Variants in GRIP1 observed in about 807,000 individuals in gnomAD.
GRIP1 encodes the protein glutamate receptor interacting protein 1.
In GRIP1, 45 loss-of-function variants were observed where a neutral mutation model predicts 129.9. That is an observed-to-expected ratio of 0.35 (90% CI 0.27 to 0.44). The LOEUF (loss-of-function observed/expected upper bound fraction) is 0.44, where lower values mean the gene tolerates loss of function less well. Ranked by LOEUF, GRIP1 falls within the 20% of genes least tolerant of loss-of-function variation. The pLI is 1.00. For missense variants in GRIP1, 1,196 were observed against 1,396.8 expected, an observed-to-expected ratio of 0.86 and a Z score of 2.29; for synonymous variants, 530 against 520.8, an observed-to-expected ratio of 1.02 and a Z score of -0.24.
At chr12:66,769,691 A>G (rs372054797) in intron 1 of GRIP1, among the ~76,000 whole-genome samples, 95 of 149,432 alleles carry the variant, frequency 6.4e-4, no homozygotes, top group African/African-American at 2.0e-3. Flanking sequence ...TATAGGAGGG[A>G]AAAAAAAAAT....
intron 1 of GRIP1, among the ~76,000 whole-genome samples, chr12:66,898,982 C>T (rs1016192910): frequency 2.6e-5 from 4 of 152,118 alleles, no homozygotes; most frequent in African/African-American, 9.7e-5. Flanking sequence ...CATGTGACAG[C>T]ATCAGTATCT....
rs371614533 is a variant in GRIP1, at chr12:66,613,048, G to A, written c.56-16121C>T. On this transcript the variant is annotated intron_variant, in intron 1 of 24. Coordinates refer to ENST00000359742, the MANE Select transcript of GRIP1 (RefSeq NM_001366722.1). ...CAGGGCTAAAAATGGCTCCTTAAAA[G>A]CATAGTTAAATAATCCCCTAAATAC... 4.6e-5 allele frequency among the ~76,000 whole-genome samples: 7 copies of A among 152,132 alleles called. No homozygotes were observed. In the East Asian group the frequency reaches 9.6e-4, roughly 21 times the overall value.
intron 1 of GRIP1, among the ~76,000 whole-genome samples, chr12:66,963,793 C>T (rs547461585): frequency 6.6e-6 from 1 of 152,224 alleles, no homozygotes; most frequent in Admixed American, 6.5e-5. Context: ...CTCTCAGTCA[C>T]CACCAAGTAG....
intron 1 of GRIP1, among the ~76,000 whole-genome samples, chr12:67,067,887 G>A (rs1017853603): frequency 3.3e-5 from 5 of 152,092 alleles, no homozygotes; most frequent in African/African-American, 1.2e-4. Context: ...ACCTACCCAC[G>A]CTGCGCCGCT....
chr12:66,937,914 G>A (rs1023952655), intron 1 of GRIP1, among the ~76,000 whole-genome samples: 7 of 152,132 alleles, frequency 4.6e-5, no homozygotes, highest in African/African-American at 1.4e-4. Flanking sequence ...ATTTAAACCA[G>A]GTGTCCAATA....
intron 1 of GRIP1, among the ~76,000 whole-genome samples, chr12:66,652,391 A>G (rs12315978): frequency 0.016 from 2,496 of 152,210 alleles, 62 homozygotes; most frequent in African/African-American, 0.057. Flanking sequence ...TCCTTCTGCC[A>G]TGATTGTAAG....
chr12:66,699,782 T>C (rs149810507), intron 1 of GRIP1, among the ~76,000 whole-genome samples: 2 of 152,204 alleles, frequency 1.3e-5, no homozygotes, highest in Non-Finnish European at 1.5e-5. Flanking sequence ...AAGGGCTGAA[T>C]GGCACATCCT....
intron 1 of GRIP1, among the ~76,000 whole-genome samples, chr12:66,785,343 C>CATACATATATATAT (rs377630345): frequency 0.051 from 3,675 of 72,542 alleles, 171 homozygotes; most frequent in Non-Finnish European, 0.067. Flanking sequence ...TACATACATA[C>CATACATATATATAT]ATATATATAT....
intron 1 of GRIP1, among the ~76,000 whole-genome samples, chr12:66,910,062 A>G (rs2041003300): frequency 6.6e-6 from 1 of 152,180 alleles, no homozygotes; most frequent in Non-Finnish European, 1.5e-5. Flanking sequence ...AAGGTTGAAG[A>G]GCACTATCAC....
intron 1 of GRIP1, among the ~76,000 whole-genome samples, chr12:67,044,242 T>C (rs1039250572): frequency 6.6e-6 from 1 of 152,110 alleles, no homozygotes; most frequent in Non-Finnish European, 1.5e-5. Flanking sequence ...CAAAAGAAAA[T>C]CATGTTACAT....
chr12:66,533,541 A>G (rs980951229), intron 4 of GRIP1, among the ~76,000 whole-genome samples: 3 of 152,204 alleles, frequency 2.0e-5, no homozygotes, highest in African/African-American at 4.8e-5. Context: ...GCTACTCAGG[A>G]GGCTGAGGCA....
intron 1 of GRIP1, among the ~76,000 whole-genome samples, chr12:66,970,188 C>A (rs1474821456): frequency 6.6e-6 from 1 of 152,112 alleles, no homozygotes; most frequent in Non-Finnish European, 1.5e-5. Flanking sequence ...CTCAAGTGAT[C>A]CTCCCACCTC....
At chr12:66,723,517 T>C (rs1488987064) in intron 1 of GRIP1, among the ~76,000 whole-genome samples, 4 of 151,764 alleles carry the variant, frequency 2.6e-5, no homozygotes, top group African/African-American at 7.3e-5. Flanking sequence ...TTCACTATGT[T>C]GGCCAGGTTG....
chr12:66,878,885 C>T (rs2040426515), intron 1 of GRIP1, among the ~76,000 whole-genome samples: 1 of 151,874 alleles, frequency 6.6e-6, no homozygotes, highest in Admixed American at 6.6e-5. Context: ...ATTGGAACAA[C>T]AGCTTGTAGG....
At chr12:66,973,918 T>TC (rs1491577266) in intron 1 of GRIP1, among the ~76,000 whole-genome samples, 1 of 114,626 alleles carries the variant, frequency 8.7e-6, no homozygotes, top group Non-Finnish European at 1.9e-5. Context: ...TCTTTTCTTT[T>TC]CTTTTTTTTT....
intron 1 of GRIP1, among the ~76,000 whole-genome samples, chr12:66,603,336 C>T (rs1447065466): frequency 6.6e-6 from 1 of 152,164 alleles, no homozygotes; most frequent in African/African-American, 2.4e-5. Flanking sequence ...AACAATATAG[C>T]TCACATTGTT....
chr12:66,704,042 G>A (rs969437367), intron 1 of GRIP1, among the ~76,000 whole-genome samples: 10 of 151,946 alleles, frequency 6.6e-5, no homozygotes, highest in African/African-American at 2.4e-4. Context: ...TAGACCTAAA[G>A]CAGATCCCAG....
intron 1 of GRIP1, among the ~76,000 whole-genome samples, chr12:66,781,125 G>T (rs1024881214): frequency 3.3e-5 from 5 of 152,126 alleles, no homozygotes; most frequent in Non-Finnish European, 5.9e-5. Context: ...CTGTCTCGTG[G>T]TAACATTTAT....
chr12:66,477,609 C>G (rs12817312), intron 7 of GRIP1, among the ~76,000 whole-genome samples: 1 of 151,862 alleles, frequency 6.6e-6, no homozygotes, highest in African/African-American at 2.4e-5. Flanking sequence ...GGAGGCATCA[C>G]GCTATCTGAC....
Sources: gnomAD v4.1 joint callset for allele counts (sites outside exome capture counted in the v4.1 genomes callset) on GRCh38, gnomAD v4.1.1 for gene constraint, MANE v1.5 for transcripts, NCBI Gene and HGNC (gene_info 2026-07-23, HGNC 2026-07-21) for gene names.